NTNG1: variants seen among roughly 807,000 people sequenced by gnomAD.
NTNG1 encodes netrin-G1.
A neutral mutation model predicts 54.0 loss-of-function variants in NTNG1; 16 were observed. The observed-to-expected ratio is 0.30, with a 90% CI of 0.20 to 0.45. The LOEUF is 0.45. Among genes scored for constraint, NTNG1 ranks in the 20% least tolerant of loss-of-function variants. The pLI is 1.00. For missense variants in NTNG1, 530 were observed against 678.7 expected, an observed-to-expected ratio of 0.78 and a Z score of 2.43; for synonymous variants, 255 against 263.1, an observed-to-expected ratio of 0.97 and a Z score of 0.30.
At chr1:107,203,215 C>T (rs1658894071) in intron 2 of NTNG1, among the ~76,000 whole-genome samples, 1 of 150,958 alleles carries the variant, frequency 6.6e-6, no homozygotes, top group Non-Finnish European at 1.5e-5. Context: ...CATCTTTTGA[C>T]CCCTTTGTAT....
At chr1:107,179,464 A>T (rs1656904261) in intron 2 of NTNG1, among the ~76,000 whole-genome samples, 1 of 151,984 alleles carries the variant, frequency 6.6e-6, no homozygotes, top group Non-Finnish European at 1.5e-5. Context: ...TTTTCCAGGC[A>T]TTTATTTCAA....
intron 3 of NTNG1, among the ~76,000 whole-genome samples, chr1:107,383,047 G>GTGTA (rs1211462793): frequency 1.3e-5 from 2 of 152,174 alleles, no homozygotes; most frequent in Non-Finnish European, 2.9e-5. Flanking sequence ...AGTTGCTGGA[G>GTGTA]TGTAGTATTC....
Position 107,361,387 on chromosome 1 carries a change from A to AT in NTNG1, c.888-33766dup, listed in dbSNP as rs1318405346. 7.3e-4 allele frequency among the ~76,000 whole-genome samples: 56 copies of AT among 76,730 alleles called. 1 individual carries two copies. The highest frequency in any genetic ancestry group is 2.1e-3 in the African/African-American group (52 of 24,434). The allele number at this position is 76,730 out of a possible 152,430, so 50.3% of individuals were successfully genotyped here. A position where few individuals can be genotyped will look rare whatever the true frequency, so the allele number is the denominator to read the frequency against. Reference sequence around the variant, plus strand: ...TATATATATATACATATATATATATATATATTTTTTTTTTTTTTTGAGACA... The same window carrying AT: ...TATATATATATACATATATATATATATTATATTTTTTTTTTTTTTTGAGACA... On this transcript the variant is annotated intron_variant, in intron 3 of 7. Transcript: ENST00000370068.
intron 3 of NTNG1, among the ~76,000 whole-genome samples, chr1:107,376,824 C>T (rs924373199): frequency 6.6e-6 from 1 of 152,140 alleles, no homozygotes; most frequent in Non-Finnish European, 1.5e-5. Context: ...CAGCCACCAG[C>T]CCCAGCACAT....
intron 2 of NTNG1, among the ~76,000 whole-genome samples, chr1:107,252,595 T>G (rs115741508): frequency 0.011 from 1,683 of 152,290 alleles, 23 homozygotes; most frequent in African/African-American, 0.038. Context: ...GTTTTGCTGT[T>G]TCCCCCTATT....
chr1:107,402,438 C>T (rs1288193933), intron 4 of NTNG1, among the ~76,000 whole-genome samples: 1 of 152,126 alleles, frequency 6.6e-6, no homozygotes, highest in Non-Finnish European at 1.5e-5. Flanking sequence ...GAGGCTTCCA[C>T]CTTCTGATTA....
intron 4 of NTNG1, among the ~76,000 whole-genome samples, chr1:107,402,597 T>C (rs1331621316): frequency 6.6e-6 from 1 of 152,084 alleles, no homozygotes; most frequent in African/African-American, 2.4e-5. Context: ...TATATGATGA[T>C]TTCACAGCAT....
At chr1:107,268,250 C>G (rs1213606132) in intron 2 of NTNG1, among the ~76,000 whole-genome samples, 1 of 141,590 alleles carries the variant, frequency 7.1e-6, no homozygotes, top group East Asian at 1.9e-4. Context: ...TTCTCTACTT[C>G]TTTTACTTCC....
intron 7 of NTNG1, 23 bp from the exon 8 acceptor site, chr1:107,480,588 C>CCAAAAAA: frequency 8.9e-7 from 1 of 1,119,762 alleles, no homozygotes; most frequent in Non-Finnish European, 1.3e-6. Flanking sequence ...CCACCCACCC[C>CCAAAAAA]TACCTTCCCC....
Position 107,324,722 on chromosome 1 carries a change from C to T in NTNG1, c.687C>T (p.Phe229=), listed in dbSNP as rs368215587. 6 of 1,613,518 alleles carry T rather than the reference C, an allele frequency of 3.7e-6. No individual in the cohort carries two copies. Among genetic ancestry groups the T allele is most frequent in the Non-Finnish European group, 5.1e-6 (6 of 1,179,734 alleles). ...KIIHFEIKDR[F]AFFAGPRLRN... is the part of the protein sequence containing the mutation. ...TCCACTTTGAAATCAAAGACAGGTT[C>T]GCGTTTTTTGCTGGACCTCGCCTAC... The change falls in exon 3 of 8, where the codon TTC becomes TTT. Residue 229 remains phenylalanine (F), a synonymous_variant. Coordinates refer to ENST00000370068, the MANE Select transcript of NTNG1 (RefSeq NM_001113226.3).
chr1:107,261,357 C>T (rs1196331511), intron 2 of NTNG1, among the ~76,000 whole-genome samples: 2 of 151,976 alleles, frequency 1.3e-5, no homozygotes, highest in African/African-American at 4.8e-5. Flanking sequence ...TACCAGACAA[C>T]TTCCAGTAGC....
intron 2 of NTNG1, among the ~76,000 whole-genome samples, chr1:107,280,104 T>G (rs1457353794): frequency 6.6e-6 from 1 of 150,840 alleles, no homozygotes; most frequent in African/African-American, 2.4e-5. Context: ...TTTTTTGGAT[T>G]TAACTTTTTA....
intron 2 of NTNG1, among the ~76,000 whole-genome samples, chr1:107,219,257 A>G (rs189816577): frequency 3.6e-4 from 54 of 151,892 alleles, no homozygotes; most frequent in Non-Finnish European, 3.2e-4. Context: ...CTTTATTTCC[A>G]GAAGTTGTGA....
chr1:107,395,342 T>G lies in NTNG1; in HGVS notation c.1060+16T>G, dbSNP rs752072221. 12 of 1,607,852 alleles carry G rather than the reference T, an allele frequency of 7.5e-6. No individual in the cohort carries two copies. Among genetic ancestry groups the G allele is most frequent in the Non-Finnish European group, 1.0e-5 (12 of 1,174,720 alleles). The stretch of plus-strand genomic sequence containing the variant: ...GCAAATACCTGTGAGTAACTTTGCT[T>G]GGTAACAGCATATTCTGTGCACCAT... On this transcript the variant is annotated intron_variant, in intron 4 of 7. Coordinates refer to ENST00000370068, the MANE Select transcript of NTNG1 (RefSeq NM_001113226.3).
chr1:107,303,847 T>A (rs1238055718), intron 2 of NTNG1, among the ~76,000 whole-genome samples: 1 of 152,060 alleles, frequency 6.6e-6, no homozygotes, highest in Non-Finnish European at 1.5e-5. Flanking sequence ...CCACCACACC[T>A]GGCTAATTTT....
rs1262536766 is a variant in NTNG1, at chr1:107,482,790, G to A, written c.*1950G>A. 2 of 152,138 alleles carry A rather than the reference G, an allele frequency of 1.3e-5. No individual in the cohort carries two copies. The highest frequency in any genetic ancestry group is 2.4e-5 in the African/African-American group (1 of 41,412). 9.4% of individuals were successfully genotyped at this position (152,138 alleles called of 1,614,324 possible). ...TAACCTGGGTAAAAACTAGATGAAG[G>A]AACAGCATGTCTTATTGGTTTTGTT... On this transcript the variant is annotated 3_prime_UTR_variant, in exon 8 of 8. Coordinates refer to ENST00000370068, the MANE Select transcript of NTNG1 (RefSeq NM_001113226.3).
chr1:107,359,767 C>T (rs1475912452), intron 3 of NTNG1, among the ~76,000 whole-genome samples: 1 of 151,790 alleles, frequency 6.6e-6, no homozygotes, highest in Non-Finnish European at 1.5e-5. Context: ...GTGCATACAC[C>T]GTGCTAATTC....
At chr1:107,400,669 A>G (rs1324973986) in intron 4 of NTNG1, among the ~76,000 whole-genome samples, 7 of 140,052 alleles carry the variant, frequency 5.0e-5, no homozygotes, top group Non-Finnish European at 1.1e-4. Context: ...TTTTTTTGAG[A>G]TGTAGTTTTG....
intron 2 of NTNG1, among the ~76,000 whole-genome samples, chr1:107,323,496 A>C (rs1667770307): frequency 6.6e-6 from 1 of 152,172 alleles, no homozygotes; most frequent in Admixed American, 6.6e-5. Flanking sequence ...GTGGGCAGGC[A>C]CAGAGTAACA....
Sources: allele counts gnomAD v4.1 joint callset (sites outside exome capture counted in the v4.1 genomes callset), GRCh38; gene constraint gnomAD v4.1.1; transcripts MANE v1.5; gene names NCBI Gene and HGNC (gene_info 2026-07-23, HGNC 2026-07-21).